Variants in OSBPL10 observed in about 807,000 individuals in gnomAD.
The protein encoded by OSBPL10 is oxysterol binding protein like 10.
In OSBPL10, 49 loss-of-function variants were observed where a neutral mutation model predicts 81.7. That is an observed-to-expected ratio of 0.60 (90% CI 0.48 to 0.76). OSBPL10 has a LOEUF of 0.76. Among genes scored for constraint, OSBPL10 ranks in the 30% least tolerant of loss-of-function variants. OSBPL10 has a pLI of 0.00. For synonymous variants in OSBPL10, 419 were observed against 383.6 expected (o/e 1.09, Z -1.08); for missense variants, 923 against 987.8 (o/e 0.93, Z 0.88).
rs1033689082 is a variant in OSBPL10, at chr3:31,709,088, G to A, written c.1096-6580C>T. 12 of 954,364 alleles carry A rather than the reference G, an allele frequency of 1.3e-5. No individual in the cohort carries two copies. In the African/African-American group the frequency reaches 2.1e-4, roughly 17 times the overall value. 59.1% of individuals were successfully genotyped at this position (954,364 alleles called of 1,614,324 possible). A position where few individuals can be genotyped will look rare whatever the true frequency, so the allele number is the denominator to read the frequency against. ...GTAGATTCAACAACGAGGCCACTGT[G>A]AGGGGAACCCGATGGAGAAGCTGGA... On this transcript the variant is annotated intron_variant, in intron 6 of 11. Coordinates refer to ENST00000396556, the MANE Select transcript of OSBPL10 (RefSeq NM_017784.5).
chr3:31,746,494 C>T (rs889358333), intron 5 of OSBPL10, among the ~76,000 whole-genome samples: 6 of 151,886 alleles, frequency 4.0e-5, no homozygotes, highest in African/African-American at 1.4e-4. Context: ...GCCTGAACAA[C>T]GTGGAGAAAC....
chr3:32,075,456 T>C (rs554406982), intron 1 of OSBPL10, among the ~76,000 whole-genome samples: 1 of 152,270 alleles, frequency 6.6e-6, no homozygotes, highest in Admixed American at 6.5e-5. Flanking sequence ...TTTAATACCT[T>C]TTTATCTCCT....
chr3:31,787,802 T>G (rs1698897479), intron 4 of OSBPL10, among the ~76,000 whole-genome samples: 2 of 152,098 alleles, frequency 1.3e-5, no homozygotes, highest in African/African-American at 2.4e-5. Flanking sequence ...TAGGTGCAGT[T>G]CAGAATAATT....
At chr3:31,861,993 G>A (rs1021288547) in intron 3 of OSBPL10, among the ~76,000 whole-genome samples, 1 of 152,046 alleles carries the variant, frequency 6.6e-6, no homozygotes, top group Non-Finnish European at 1.5e-5. Context: ...GTGGCTCAGG[G>A]CTCTGAGCCA....
intron 2 of OSBPL10, among the ~76,000 whole-genome samples, chr3:31,988,059 C>T (rs940097046): frequency 4.6e-5 from 7 of 152,196 alleles, no homozygotes; most frequent in Admixed American, 1.3e-4. Flanking sequence ...GACCTAATCA[C>T]GGAAATTGCA....
At chr3:31,765,491 AG>A (rs920751187) in intron 4 of OSBPL10, among the ~76,000 whole-genome samples, 3 of 95,774 alleles carry the variant, frequency 3.1e-5, no homozygotes, top group African/African-American at 9.0e-5. Flanking sequence ...AGCATGAGTG[AG>A]TGAGTGAATG....
intron 1 of OSBPL10, among the ~76,000 whole-genome samples, chr3:32,072,477 C>G (rs1699838441): frequency 6.6e-6 from 1 of 152,168 alleles, no homozygotes; most frequent in Non-Finnish European, 1.5e-5. Context: ...GTTCTTGGAC[C>G]AAGGAAAATA....
chr3:31,948,708 C>G (rs1359204481), intron 1 of OSBPL10, among the ~76,000 whole-genome samples: 1 of 152,182 alleles, frequency 6.6e-6, no homozygotes, highest in Non-Finnish European at 1.5e-5. Flanking sequence ...AGAAGTATTT[C>G]TTTGCCTTTC....
At chr3:32,034,584 C>T (rs1699501257) in intron 2 of OSBPL10, among the ~76,000 whole-genome samples, 2 of 152,252 alleles carry the variant, frequency 1.3e-5, no homozygotes, top group Middle Eastern at 3.4e-3. Context: ...ACTAAGATTT[C>T]CAGCTGAAGA....
chr3:31,731,762 C>G (rs1360337506), intron 6 of OSBPL10, among the ~76,000 whole-genome samples: 1 of 152,216 alleles, frequency 6.6e-6, no homozygotes, highest in Non-Finnish European at 1.5e-5. Context: ...GCTGGGATTA[C>G]AGGCGTGAGC....
At chr3:31,778,487 A>G (rs1559460995) in intron 4 of OSBPL10, among the ~76,000 whole-genome samples, 5 of 152,176 alleles carry the variant, frequency 3.3e-5, no homozygotes, top group Admixed American at 3.3e-4. Flanking sequence ...AGGCCTTTGA[A>G]TTAACCTAAT....
At chr3:31,813,417 T>C (rs1699757821) in intron 4 of OSBPL10, among the ~76,000 whole-genome samples, 1 of 152,212 alleles carries the variant, frequency 6.6e-6, no homozygotes, top group Non-Finnish European at 1.5e-5. Flanking sequence ...ACTCACTTAT[T>C]AGCTCATGCA....
intron 1 of OSBPL10, among the ~76,000 whole-genome samples, chr3:31,885,941 G>A (rs1197554010): frequency 7.3e-6 from 1 of 137,364 alleles, no homozygotes; most frequent in African/African-American, 2.7e-5. Flanking sequence ...GTTGCAGTAA[G>A]CCAAGGTCAC....
chr3:31,822,279 A>G (rs1048483292), intron 4 of OSBPL10: 1 of 152,342 alleles, frequency 6.6e-6, no homozygotes, highest in African/African-American at 2.4e-5. Flanking sequence ...AAATGTTTCA[A>G]AGAAGGATAA....
chr3:31,753,315 A>T (rs1455957578), intron 4 of OSBPL10, among the ~76,000 whole-genome samples: 1 of 151,478 alleles, frequency 6.6e-6, no homozygotes, highest in Non-Finnish European at 1.5e-5. Flanking sequence ...GATTCAGCCT[A>T]GCTGGGATTA....
intron 2 of OSBPL10, among the ~76,000 whole-genome samples, chr3:32,036,566 G>C (rs993304280): frequency 3.9e-5 from 6 of 152,172 alleles, no homozygotes; most frequent in African/African-American, 1.4e-4. Context: ...AACTTAGTAA[G>C]ATGCTGGTCC....
chr3:32,052,717 A>G (rs921179818), intron 1 of OSBPL10, among the ~76,000 whole-genome samples: 20 of 152,060 alleles, frequency 1.3e-4, no homozygotes, highest in Non-Finnish European at 1.0e-4. Flanking sequence ...AAAACCAAAC[A>G]CTGCATGTTC....
intron 4 of OSBPL10, among the ~76,000 whole-genome samples, chr3:31,812,819 A>AAAGAAAGG (rs10667338): frequency 8.1e-5 from 2 of 24,648 alleles, no homozygotes; most frequent in Non-Finnish European, 1.4e-4. Context: ...AGAAAGAAAG[A>AAAGAAAGG]GAAAGAAAGA....
At chr3:32,034,829 A>G (rs1360144995) in intron 2 of OSBPL10, among the ~76,000 whole-genome samples, 1 of 152,242 alleles carries the variant, frequency 6.6e-6, no homozygotes, top group Non-Finnish European at 1.5e-5. Flanking sequence ...TATGAAAATC[A>G]GGCTTAATCA....
Sources: gnomAD v4.1 joint callset for allele counts (sites outside exome capture counted in the v4.1 genomes callset) on GRCh38, gnomAD v4.1.1 for gene constraint, MANE v1.5 for transcripts, NCBI Gene and HGNC (gene_info 2026-07-23, HGNC 2026-07-21) for gene names.